Variants in SORCS3 observed in about 807,000 individuals in gnomAD.
The protein encoded by SORCS3 is VPS10 domain-containing receptor SorCS3.
SORCS3 carries 57 observed loss-of-function variants against 146.3 expected under a neutral mutation model. The observed-to-expected ratio is 0.39, with a 90% CI of 0.31 to 0.49. The LOEUF (loss-of-function observed/expected upper bound fraction) is 0.49, where lower values mean the gene tolerates loss of function less well. SORCS3 is among the 20% of genes least tolerant of loss of function. The probability of loss-of-function intolerance (pLI) is 0.92; values close to 1 mark genes in which losing one functional copy is unlikely to be tolerated. For missense variants in SORCS3, 1,341 were observed against 1,575.5 expected, an observed-to-expected ratio of 0.85 and a Z score of 2.52; for synonymous variants, 653 against 618.5, an observed-to-expected ratio of 1.06 and a Z score of -0.83.
chr10:104,857,683 A>C (rs1429819796), intron 2 of SORCS3, among the ~76,000 whole-genome samples: 1 of 152,092 alleles, frequency 6.6e-6, no homozygotes, highest in Non-Finnish European at 1.5e-5. Flanking sequence ...GGATTCTACA[A>C]CATTGGGGTT....
intron 1 of SORCS3, among the ~76,000 whole-genome samples, chr10:104,791,397 A>C (rs980538686): frequency 2.6e-5 from 4 of 152,188 alleles, no homozygotes; most frequent in Non-Finnish European, 5.9e-5. Context: ...TAGAGCTGGA[A>C]GATAACTTAG....
chr10:105,048,686 T>C (rs1041872042), intron 5 of SORCS3, among the ~76,000 whole-genome samples: 4 of 151,398 alleles, frequency 2.6e-5, no homozygotes, highest in Admixed American at 2.0e-4. Context: ...AAAGTATAAT[T>C]AAAAAAAAGA....
intron 2 of SORCS3, among the ~76,000 whole-genome samples, chr10:104,881,460 G>A (rs566897210): frequency 2.0e-5 from 3 of 152,316 alleles, no homozygotes; most frequent in South Asian, 2.1e-4. Flanking sequence ...TGATTGAACC[G>A]ATGGAACATT....
At chr10:104,909,736 G>A (rs1589545692) in intron 2 of SORCS3, among the ~76,000 whole-genome samples, 1 of 151,842 alleles carries the variant, frequency 6.6e-6, no homozygotes, top group East Asian at 1.9e-4. Flanking sequence ...TTGAGCTGCA[G>A]TTCAGCTCTA....
rs139722365 is a variant in SORCS3 at position 105,201,126 on chromosome 10, C to G, written c.2134C>G (p.Pro712Ala). The G allele has an allele frequency of 1.6e-4, 261 of 1,612,484 alleles. No individual in the cohort carries two copies. The highest frequency in any genetic ancestry group is 2.2e-4 in the Non-Finnish European group (254 of 1,179,272). The change falls in exon 16 of 27, where the codon CCT (proline) becomes GCT (alanine). Residue 712 changes from proline (P) to alanine (A), a missense_variant. Coordinates refer to ENST00000369701, the MANE Select transcript of SORCS3 (RefSeq NM_014978.3). Reference protein sequence around the residue: ...QTWHLLNQGEPCVMGERKIFK... With the variant: ...QTWHLLNQGEACVMGERKIFK... The stretch of plus-strand genomic sequence containing the variant: ...TATGGAATTTCTCTCTAAGGGAGAG[C>G]CTTGTGTCATGGGAGAAAGGAAAAT...
rs530554745 is a variant in SORCS3, at chr10:104,735,613, C to T, written c.627+93659C>T. Among the ~76,000 whole-genome samples, 14 of 152,066 alleles carry T rather than the reference C, an allele frequency of 9.2e-5. 1 individual carries two copies. The highest frequency in any genetic ancestry group is 2.9e-4 in the African/African-American group (12 of 41,468). ...AAAGACAGAGCCCTTGGCTCCCTTC[C>T]TGGCGAAAGCTTCAAGATCAGCAGT... On this transcript the variant is annotated intron_variant, in intron 1 of 26. Coordinates refer to ENST00000369701, the MANE Select transcript of SORCS3 (RefSeq NM_014978.3).
chr10:105,260,094 G>A (rs1452404926), intron 25 of SORCS3, among the ~76,000 whole-genome samples: 3 of 152,106 alleles, frequency 2.0e-5, no homozygotes, highest in East Asian at 1.9e-4. Flanking sequence ...TCCAACCATC[G>A]ATTGCAAAAA....
intron 1 of SORCS3, among the ~76,000 whole-genome samples, chr10:104,761,299 G>C (rs1029291099): frequency 1.3e-5 from 2 of 152,172 alleles, no homozygotes; most frequent in Non-Finnish European, 2.9e-5. Flanking sequence ...CAGAGGCACT[G>C]TATGAAATAT....
At chr10:105,162,530 C>A (rs905574610) in intron 11 of SORCS3, among the ~76,000 whole-genome samples, 1 of 152,212 alleles carries the variant, frequency 6.6e-6, no homozygotes, top group African/African-American at 2.4e-5. Flanking sequence ...GTTCAAAGAT[C>A]AACTCCTCCT....
chr10:104,971,387 A>C (rs2054859646), intron 3 of SORCS3, among the ~76,000 whole-genome samples: 1 of 152,254 alleles, frequency 6.6e-6, no homozygotes, highest in Non-Finnish European at 1.5e-5. Flanking sequence ...TTAATTGAAA[A>C]GTAAAATACA....
chr10:105,113,354 T>G (rs535189417), intron 7 of SORCS3, among the ~76,000 whole-genome samples: 61 of 152,288 alleles, frequency 4.0e-4, no homozygotes, highest in Admixed American at 1.2e-3. Context: ...TATATACAAA[T>G]GTACAGTATA....
chr10:104,746,228 C>A (rs2016908173), intron 1 of SORCS3, among the ~76,000 whole-genome samples: 1 of 151,526 alleles, frequency 6.6e-6, no homozygotes, highest in Admixed American at 6.6e-5. Context: ...GCTCCGCCTC[C>A]CAGGTTCACG....
intron 20 of SORCS3, among the ~76,000 whole-genome samples, chr10:105,237,011 G>A (rs1366532103): frequency 2.6e-5 from 4 of 151,978 alleles, no homozygotes; most frequent in Non-Finnish European, 5.9e-5. Context: ...ATTACATACT[G>A]GCATTATAAT....
chr10:105,174,062 C>T lies in SORCS3; in HGVS notation c.1902-4004C>T, dbSNP rs545859387. Among the ~76,000 whole-genome samples the T allele has an allele frequency of 3.9e-5, 6 of 152,228 alleles. No homozygotes were observed. In the East Asian group the frequency reaches 5.8e-4, roughly 15 times the overall value. On this transcript the variant is annotated intron_variant, in intron 13 of 26. Coordinates refer to ENST00000369701, the MANE Select transcript of SORCS3 (RefSeq NM_014978.3). ...TCTCCTCACACTAGAAAGTAAGTTC[C>T]GTGGAAGCTAGGACCTTTCCTTTTC...
intron 23 of SORCS3, among the ~76,000 whole-genome samples, chr10:105,254,049 G>GC (rs573921522): frequency 2.4e-3 from 363 of 152,340 alleles, no homozygotes; most frequent in Admixed American, 4.4e-3. Flanking sequence ...GCCTAAGTCG[G>GC]CCTCAGCTTT....
intron 1 of SORCS3, among the ~76,000 whole-genome samples, chr10:104,652,857 T>A (rs745780783): frequency 6.6e-6 from 1 of 152,132 alleles, no homozygotes; most frequent in Non-Finnish European, 1.5e-5. Context: ...TGCAAAAAAA[T>A]CTATGTGATG....
At chr10:105,168,881 G>A (rs2056336802) in intron 13 of SORCS3, among the ~76,000 whole-genome samples, 1 of 152,138 alleles carries the variant, frequency 6.6e-6, no homozygotes, top group African/African-American at 2.4e-5. Flanking sequence ...GGAGCCATTT[G>A]TAAGAGGAGC....
At chr10:104,936,144 A>G (rs1428627368) in intron 3 of SORCS3, among the ~76,000 whole-genome samples, 1 of 152,242 alleles carries the variant, frequency 6.6e-6, no homozygotes, top group Non-Finnish European at 1.5e-5. Context: ...AAATTAATCT[A>G]TTATACATTC....
intron 3 of SORCS3, among the ~76,000 whole-genome samples, chr10:104,953,110 A>G (rs2019450776): frequency 6.6e-6 from 1 of 152,242 alleles, no homozygotes; most frequent in Non-Finnish European, 1.5e-5. Flanking sequence ...AAGATTATTC[A>G]GAGGAGGATA....
Sources: gnomAD v4.1 joint callset for allele counts (sites outside exome capture counted in the v4.1 genomes callset) on GRCh38, gnomAD v4.1.1 for gene constraint, MANE v1.5 for transcripts, NCBI Gene and HGNC (gene_info 2026-07-23, HGNC 2026-07-21) for gene names.